The following SVEP1 variants were observed in gnomAD, a reference collection of about 807,000 sequenced individuals.
SVEP1 encodes sushi, von Willebrand factor type A, EGF and pentraxin domain containing 1, also known as sushi, von Willebrand factor type A, EGF and pentraxin domain-containing protein 1.
A neutral mutation model predicts 367.3 loss-of-function variants in SVEP1; 164 were observed. The observed-to-expected ratio is 0.45, with a 90% CI of 0.39 to 0.51. The LOEUF (loss-of-function observed/expected upper bound fraction) is 0.51, where lower values mean the gene tolerates loss of function less well. SVEP1 is among the 20% of genes least tolerant of loss of function. The probability of loss-of-function intolerance (pLI) is 0.00; values close to 1 mark genes in which losing one functional copy is unlikely to be tolerated. For synonymous variants in SVEP1, 1,666 were observed against 1,611.6 expected (o/e 1.03, Z -0.81); for missense variants, 4,117 against 4,425.3 (o/e 0.93, Z 1.98).
intron 27 of SVEP1, among the ~76,000 whole-genome samples, chr9:110,437,529 C>T (rs559235937): frequency 6.6e-6 from 1 of 152,334 alleles, no homozygotes; most frequent in South Asian, 2.1e-4. Context: ...TCAGAGCATT[C>T]TCTCCTGGTT....
chr9:110,503,609 CAG>C (rs1829575212), intron 5 of SVEP1, among the ~76,000 whole-genome samples: 1 of 152,146 alleles, frequency 6.6e-6, no homozygotes, highest in South Asian at 2.1e-4. Flanking sequence ...TTTTCCAGGA[CAG>C]AGTTTTCAGG....
At chr9:110,553,161 G>A (rs1368039179) in intron 1 of SVEP1, among the ~76,000 whole-genome samples, 1 of 152,200 alleles carries the variant, frequency 6.6e-6, no homozygotes. Context: ...ACATGTCAGA[G>A]CTGAGAGGTA....
intron 36 of SVEP1, among the ~76,000 whole-genome samples, chr9:110,423,183 A>AAAAAAAAAAAAAAAAAAATT (rs1828198845): frequency 7.7e-6 from 1 of 129,726 alleles, no homozygotes; most frequent in Non-Finnish European, 1.6e-5. Flanking sequence ...AAAAAAAAAA[A>AAAAAAAAAAAAAAAAAAATT]GAAAAAAAAA....
At chr9:110,471,731 A>T (rs994921221) in intron 15 of SVEP1, 134 bp from the exon 16 acceptor site, 1 of 682,062 alleles carries the variant, frequency 1.5e-6, no homozygotes, top group African/African-American at 1.8e-5. Flanking sequence ...AAAAAATAAA[A>T]ATCTTTCAGG....
chr9:110,385,868 G>T, intron 43 of SVEP1, 30 bp downstream of exon 43: 8 of 1,601,964 alleles, frequency 5.0e-6, no homozygotes, highest in Non-Finnish European at 6.8e-6. Flanking sequence ...CGCACTAGCG[G>T]CATGAACTGG....
intron 3 of SVEP1, among the ~76,000 whole-genome samples, chr9:110,522,291 C>T (rs1349783145): frequency 1.3e-5 from 2 of 152,140 alleles, no homozygotes; most frequent in Non-Finnish European, 2.9e-5. Flanking sequence ...TGGGAGAAAA[C>T]TCCATCCATG....
chr9:110,441,535 T>C (rs1828509908), intron 27 of SVEP1, among the ~76,000 whole-genome samples: 2 of 152,234 alleles, frequency 1.3e-5, no homozygotes, highest in African/African-American at 2.4e-5. Flanking sequence ...GTTGCCTTAC[T>C]GGCTGGATTG....
At chr9:110,392,383 T>C (rs186922669) in intron 40 of SVEP1, among the ~76,000 whole-genome samples, 2 of 152,152 alleles carry the variant, frequency 1.3e-5, no homozygotes, top group Admixed American at 6.5e-5. Flanking sequence ...TTGTTGGATT[T>C]AGAGGCTTGA....
At chr9:110,455,738 A>G (rs569537799) in intron 21 of SVEP1, 35 bp from the exon 22 acceptor site, 1 of 1,544,076 alleles carries the variant, frequency 6.5e-7, no homozygotes, top group African/African-American at 1.4e-5. Context: ...GGACAATCCA[A>G]GGATGGGATT....
At chr9:110,455,804 T>A in intron 21 of SVEP1, 101 bp from the exon 22 acceptor site, 1 of 837,814 alleles carries the variant, frequency 1.2e-6, no homozygotes, top group Non-Finnish European at 1.7e-6. Flanking sequence ...TCAGAATTTT[T>A]AAATGGGTAG....
chr9:110,393,572 G>C (rs371532436), intron 40 of SVEP1, among the ~76,000 whole-genome samples: 2 of 152,310 alleles, frequency 1.3e-5, no homozygotes, highest in East Asian at 3.9e-4. Flanking sequence ...CGCCTCACCC[G>C]GGAAGCACAA....
intron 1 of SVEP1, among the ~76,000 whole-genome samples, chr9:110,572,164 A>T (rs147626814): frequency 2.6e-5 from 4 of 152,334 alleles, no homozygotes; most frequent in Admixed American, 2.6e-4. Flanking sequence ...GACTGGATAG[A>T]CTGTCTTTGG....
chr9:110,501,556 A>G (rs1829530221), intron 6 of SVEP1, among the ~76,000 whole-genome samples: 1 of 152,106 alleles, frequency 6.6e-6, no homozygotes, highest in African/African-American at 2.4e-5. Flanking sequence ...TTCAATCCCA[A>G]TATCTCTAAT....
At chr9:110,574,679 G>C (rs1830603781) in intron 1 of SVEP1, among the ~76,000 whole-genome samples, 1 of 151,594 alleles carries the variant, frequency 6.6e-6, no homozygotes, top group Non-Finnish European at 1.5e-5. Flanking sequence ...TCAGAGGCTT[G>C]GAAAAGTTAC....
chr9:110,455,038 A>G (rs192135433), intron 22 of SVEP1, among the ~76,000 whole-genome samples: 1 of 152,364 alleles, frequency 6.6e-6, no homozygotes, highest in East Asian at 1.9e-4. Context: ...ATATGTATTT[A>G]TTTAAGTTAA....
intron 3 of SVEP1, among the ~76,000 whole-genome samples, chr9:110,533,976 C>T (rs922237918): frequency 8.5e-5 from 13 of 152,132 alleles, no homozygotes; most frequent in African/African-American, 3.1e-4. Flanking sequence ...CAAGTAACAG[C>T]ATGAACTCTA....
At chr9:110,445,400 A>G (rs1828577209) in intron 26 of SVEP1, among the ~76,000 whole-genome samples, 1 of 152,198 alleles carries the variant, frequency 6.6e-6, no homozygotes, top group South Asian at 2.1e-4. Context: ...CCCAAGGTCA[A>G]TGATGTCACT....
At chr9:110,498,252 C>T (rs1317427051) in intron 7 of SVEP1, among the ~76,000 whole-genome samples, 3 of 152,214 alleles carry the variant, frequency 2.0e-5, no homozygotes, top group Non-Finnish European at 4.4e-5. Flanking sequence ...ACCCAACACT[C>T]AGGAGTTATT....
chr9:110,368,883 TTTG>T (rs1202949556), intron 47 of SVEP1, among the ~76,000 whole-genome samples: 3 of 151,628 alleles, frequency 2.0e-5, no homozygotes, highest in Non-Finnish European at 3.0e-5. Flanking sequence ...GACAGATTTT[TTTG>T]TTGTTGTTAG....
Sources: allele counts gnomAD v4.1 joint callset (sites outside exome capture counted in the v4.1 genomes callset), GRCh38; gene constraint gnomAD v4.1.1; transcripts MANE v1.5; gene names NCBI Gene and HGNC (gene_info 2026-07-23, HGNC 2026-07-21).